SYNJ2BP: variants seen among roughly 807,000 people sequenced by gnomAD.
SYNJ2BP encodes the protein synaptojanin-2-binding protein.
Under a neutral mutation model 16.9 loss-of-function variants are expected in SYNJ2BP, and 10 were observed. The ratio of observed to expected loss-of-function variants is 0.59; its 90% CI spans 0.36 to 1.00. SYNJ2BP has a LOEUF of 1.00. Ranked by LOEUF, SYNJ2BP falls within the 50% of genes least tolerant of loss-of-function variation. The pLI is 0.01. For synonymous variants in SYNJ2BP, 54 were observed against 68.4 expected (o/e 0.79, Z 1.04); for missense variants, 162 against 186.7 (o/e 0.87, Z 0.77).
At chr14:70,391,806 G>A (rs374972184) in intron 1 of SYNJ2BP, among the ~76,000 whole-genome samples, 1 of 152,108 alleles carries the variant, frequency 6.6e-6, no homozygotes, top group South Asian at 2.1e-4. Flanking sequence ...CCCCATCGAA[G>A]TCATATTATA....
rs1594938998 is a variant in SYNJ2BP, at chr14:70,372,021, G to C, written c.*970C>G. On this transcript the variant is annotated 3_prime_UTR_variant, in exon 4 of 4. Transcript: ENST00000256366. ...TACCTTTACACCTCAAAGTTTTTTA[G>C]ATGTGAGCAGCGCTGGATTATGGCA... is the stretch of plus-strand genomic sequence containing the variant. The C allele has an allele frequency of 6.6e-6, 1 of 152,202 alleles. No homozygotes were observed. Among genetic ancestry groups the C allele is most frequent in the East Asian group, 1.9e-4 (1 of 5,204 alleles). 9.4% of individuals were successfully genotyped at this position (152,202 alleles called of 1,614,324 possible).
intron 2 of SYNJ2BP, among the ~76,000 whole-genome samples, chr14:70,382,236 GAACAA>G (rs1226469262): frequency 6.6e-6 from 1 of 151,858 alleles, no homozygotes; most frequent in Non-Finnish European, 1.5e-5. Flanking sequence ...ACTCTGTCTC[GAACAA>G]AACAAAACAA....
intron 1 of SYNJ2BP, among the ~76,000 whole-genome samples, chr14:70,391,848 T>C (rs145550910): frequency 3.0e-4 from 46 of 152,356 alleles, no homozygotes; most frequent in African/African-American, 1.1e-3. Context: ...GCTACTTCTG[T>C]TGTAAATGAA....
chr14:70,396,293 A>G (rs1888092651), intron 1 of SYNJ2BP, among the ~76,000 whole-genome samples: 1 of 151,888 alleles, frequency 6.6e-6, no homozygotes, highest in Non-Finnish European at 1.5e-5. Context: ...AATTTTTGGT[A>G]TTTTTAGTAG....
In SYNJ2BP at chr14:70,378,271, A is replaced by G. The variant is rs549917596; in HGVS notation, c.202-2500T>C. Among the ~76,000 whole-genome samples, 31 of 150,286 alleles carry G rather than the reference A, an allele frequency of 2.1e-4. No homozygotes were observed. The Middle Eastern group carries it at 0.01, about 49-fold the overall frequency. Reference sequence around the variant, plus strand: ...AGATAACTCCCAAATTTGTATCCCTACTTGTACTTCTGGATTTGCCAGTTT... The same window carrying G: ...AGATAACTCCCAAATTTGTATCCCTGCTTGTACTTCTGGATTTGCCAGTTT... On this transcript the variant is annotated intron_variant, in intron 2 of 3. Transcript: ENST00000256366.
At chr14:70,378,758 G>A (rs1302164027) in intron 2 of SYNJ2BP, among the ~76,000 whole-genome samples, 1 of 151,986 alleles carries the variant, frequency 6.6e-6, no homozygotes. Flanking sequence ...AAAAACTTGG[G>A]ACCCCAATCC....
intron 1 of SYNJ2BP, among the ~76,000 whole-genome samples, chr14:70,392,136 T>G (rs1288061561): frequency 1.3e-5 from 2 of 152,254 alleles, no homozygotes; most frequent in Non-Finnish European, 2.9e-5. Flanking sequence ...ACTCCCTGCT[T>G]TGATCACAAA....
At chr14:70,399,241 C>A (rs1045744288) in intron 1 of SYNJ2BP, among the ~76,000 whole-genome samples, 5 of 152,316 alleles carry the variant, frequency 3.3e-5, no homozygotes, top group Admixed American at 3.3e-4. Context: ...CCCAGGCCCA[C>A]CCTGGCCTCA....
chr14:70,374,472 A>T (rs1887581176), intron 3 of SYNJ2BP, among the ~76,000 whole-genome samples: 1 of 152,174 alleles, frequency 6.6e-6, no homozygotes, highest in Admixed American at 6.5e-5. Flanking sequence ...GAAGTAGCAA[A>T]TTGATTTAAT....
rs1039522576 is a variant in SYNJ2BP at position 70,369,714 on chromosome 14, G to A, written c.*3277C>T. ...TTTTTCCATTATACATGGCTAGATG[G>A]AACAATTAAGTTAAATCGATAACAC... is the stretch of plus-strand genomic sequence containing the variant. On this transcript the variant is annotated 3_prime_UTR_variant, in exon 4 of 4. Coordinates refer to ENST00000256366, the MANE Select transcript of SYNJ2BP (RefSeq NM_018373.3). 3 of 152,140 alleles carry A rather than the reference G, an allele frequency of 2.0e-5. No individual in the cohort carries two copies. The highest frequency in any genetic ancestry group is 4.8e-5 in the African/African-American group (2 of 41,416). The allele number at this position is 152,140 out of a possible 1,614,324, so 9.4% of individuals were successfully genotyped here.
At chr14:70,397,079 T>C (rs1219226944) in intron 1 of SYNJ2BP, among the ~76,000 whole-genome samples, 3 of 152,348 alleles carry the variant, frequency 2.0e-5, no homozygotes, top group South Asian at 2.1e-4. Flanking sequence ...TGAAGCTTTT[T>C]CCATTCTTCT....
At chr14:70,390,349 T>C (rs2140836444) in intron 1 of SYNJ2BP, among the ~76,000 whole-genome samples, 1 of 152,214 alleles carries the variant, frequency 6.6e-6, no homozygotes, top group South Asian at 2.1e-4. Context: ...CCTACACTGT[T>C]CTCAATAGAA....
intron 1 of SYNJ2BP, among the ~76,000 whole-genome samples, chr14:70,414,811 T>G (rs1026753327): frequency 6.6e-6 from 1 of 152,210 alleles, no homozygotes; most frequent in Non-Finnish European, 1.5e-5. Context: ...GAACTAGCAT[T>G]GTTTTAATTG....
chr14:70,416,676 T>G (rs142729489), intron 1 of SYNJ2BP, among the ~76,000 whole-genome samples: 1 of 152,188 alleles, frequency 6.6e-6, no homozygotes, highest in Non-Finnish European at 1.5e-5. Context: ...TGACTATATA[T>G]ATTTGTGTTC....
intron 1 of SYNJ2BP, among the ~76,000 whole-genome samples, chr14:70,410,674 C>T (rs1263295873): frequency 2.0e-5 from 3 of 152,170 alleles, no homozygotes; most frequent in Non-Finnish European, 4.4e-5. Flanking sequence ...CCATGGAATA[C>T]TTTGCAGCCA....
At chr14:70,401,071 T>C (rs971742385) in intron 1 of SYNJ2BP, among the ~76,000 whole-genome samples, 3 of 152,256 alleles carry the variant, frequency 2.0e-5, no homozygotes, top group Non-Finnish European at 4.4e-5. Context: ...CTTGTAAATA[T>C]CTAGGAAAGT....
intron 2 of SYNJ2BP, among the ~76,000 whole-genome samples, chr14:70,386,564 A>G (rs1464343876): frequency 6.6e-6 from 1 of 152,160 alleles, no homozygotes; most frequent in Non-Finnish European, 1.5e-5. Flanking sequence ...AGTCTTCCTG[A>G]AGAGGCATTC....
intron 1 of SYNJ2BP, among the ~76,000 whole-genome samples, chr14:70,412,994 T>C (rs1888522135): frequency 6.6e-6 from 1 of 152,164 alleles, no homozygotes; most frequent in Non-Finnish European, 1.5e-5. Flanking sequence ...TTAGATACTA[T>C]AATCAAGCTG....
intron 2 of SYNJ2BP, among the ~76,000 whole-genome samples, chr14:70,383,245 A>G (rs1887790635): frequency 6.6e-6 from 1 of 152,200 alleles, no homozygotes; most frequent in African/African-American, 2.4e-5. Context: ...GAGGTATTTT[A>G]TTTAAAGAAT....
Sources: gnomAD v4.1 joint callset for allele counts (sites outside exome capture counted in the v4.1 genomes callset) on GRCh38, gnomAD v4.1.1 for gene constraint, MANE v1.5 for transcripts, NCBI Gene and HGNC (gene_info 2026-07-23, HGNC 2026-07-21) for gene names.